Variants in ZBTB20 observed in about 807,000 individuals in gnomAD.
The protein encoded by ZBTB20 is zinc finger and BTB domain containing 20, also known as zinc finger and BTB domain-containing protein 20.
ZBTB20 carries 9 observed loss-of-function variants against 56.9 expected under a neutral mutation model. That is an observed-to-expected ratio of 0.16 (90% CI 0.10 to 0.28). The LOEUF (loss-of-function observed/expected upper bound fraction) is 0.28. Among genes scored for constraint, ZBTB20 ranks in the 10% least tolerant of loss-of-function variants. The pLI, the probability that ZBTB20 is intolerant of heterozygous loss-of-function variation, is 1.00. For missense variants in ZBTB20, 655 were observed against 1,003.0 expected, an observed-to-expected ratio of 0.65 and a Z score of 4.69; for synonymous variants, 417 against 420.7, an observed-to-expected ratio of 0.99 and a Z score of 0.11.
intron 5 of ZBTB20, among the ~76,000 whole-genome samples, chr3:114,785,275 G>T (rs768336448): frequency 1.3e-5 from 2 of 152,110 alleles, no homozygotes; most frequent in Non-Finnish European, 2.9e-5. Flanking sequence ...ATGCTATTTA[G>T]GTAATTATAT....
At chr3:114,444,192 T>C (rs898094882) in intron 7 of ZBTB20, among the ~76,000 whole-genome samples, 53 of 152,294 alleles carry the variant, frequency 3.5e-4, no homozygotes, top group African/African-American at 1.3e-3. Context: ...CAGGAATATT[T>C]CTACAAAGAA....
chr3:114,552,287 T>A lies in ZBTB20; in HGVS notation c.-294-51896A>T, dbSNP rs147555830. Among the ~76,000 whole-genome samples, 18 of 152,278 alleles carry A rather than the reference T, an allele frequency of 1.2e-4. No individual in the cohort carries two copies. In the East Asian group the frequency reaches 3.5e-3, roughly 29 times the overall value. ...CACTACCACATAGCTTAACTGTATTTCCTTATTATTTTGTCTCTAGCTGAA... is the reference window on the plus strand; with the variant it reads ...CACTACCACATAGCTTAACTGTATTACCTTATTATTTTGTCTCTAGCTGAA... On this transcript the variant is annotated intron_variant, in intron 6 of 11. Coordinates refer to ENST00000675478, the MANE Select transcript of ZBTB20 (RefSeq NM_001348800.3).
intron 7 of ZBTB20, among the ~76,000 whole-genome samples, chr3:114,462,470 A>G (rs1205483527): frequency 3.3e-5 from 5 of 152,222 alleles, no homozygotes; most frequent in Non-Finnish European, 7.3e-5. Flanking sequence ...TGTGGGATTC[A>G]GAACCACAAT....
At position 114,380,859 on chromosome 3, in the gene ZBTB20, A is replaced by C; in HGVS notation, c.-72T>G. ...ACTGGACTGGGAGTCAGGAGACTTG[A>C]GCTACCGTACTAGCTGTGCCTCTAA... On this transcript the variant is annotated 5_prime_UTR_variant, in exon 9 of 12. Transcript: ENST00000675478. 1 of 1,384,674 alleles carries C rather than the reference A, an allele frequency of 7.2e-7. No individual in the cohort carries two copies. The highest frequency in any genetic ancestry group is 9.5e-7 in the Non-Finnish European group (1 of 1,057,308). 85.8% of individuals were successfully genotyped at this position (1,384,674 alleles called of 1,614,324 possible). A position where few individuals can be genotyped will look rare whatever the true frequency, so the allele number is the denominator to read the frequency against.
intron 5 of ZBTB20, among the ~76,000 whole-genome samples, chr3:114,718,033 G>T (rs887270805): frequency 6.6e-6 from 1 of 152,080 alleles, no homozygotes; most frequent in South Asian, 2.1e-4. Flanking sequence ...AAAAACAGTG[G>T]ACTGTCAGAT....
intron 5 of ZBTB20, among the ~76,000 whole-genome samples, chr3:114,753,432 T>TATATATATATATATAC (rs1205435166): frequency 0.034 from 1,494 of 43,502 alleles, 443 homozygotes; most frequent in African/African-American, 0.1. Flanking sequence ...TATATATATA[T>TATATATATATATATAC]ACACACACAC....
At chr3:114,352,731 A>G (rs536130910) in intron 10 of ZBTB20, among the ~76,000 whole-genome samples, 1 of 152,372 alleles carries the variant, frequency 6.6e-6, no homozygotes, top group Non-Finnish European at 1.5e-5. Flanking sequence ...GTTCTGACCC[A>G]GGAGACTACA....
intron 5 of ZBTB20, among the ~76,000 whole-genome samples, chr3:114,784,181 CT>C (rs1196897296): frequency 4.0e-5 from 6 of 151,802 alleles, no homozygotes; most frequent in Middle Eastern, 3.4e-3. Context: ...AGGAATAGAA[CT>C]TTTTTTTTCT....
chr3:114,921,221 C>G (rs1262733889), intron 3 of ZBTB20, among the ~76,000 whole-genome samples: 1 of 152,132 alleles, frequency 6.6e-6, no homozygotes, highest in Non-Finnish European at 1.5e-5. Context: ...CTCCTGAGTT[C>G]AAGTGATTCT....
Position 114,327,564 on chromosome 3 carries a change from T to C in ZBTB20, c.*11441A>G, listed in dbSNP as rs1211652612. ...CAATGTAAATATTGCCTTTAAGAGA[T>C]GTTGTTTTCCTACTAGATGCATGCC... is the stretch of plus-strand genomic sequence containing the variant. On this transcript the variant is annotated 3_prime_UTR_variant, in exon 12 of 12. Coordinates refer to ENST00000675478, the MANE Select transcript of ZBTB20 (RefSeq NM_001348800.3). The C allele has an allele frequency of 6.6e-6, 1 of 152,100 alleles. No homozygotes were observed. The highest frequency in any genetic ancestry group is 1.5e-5 in the Non-Finnish European group (1 of 67,998). 9.4% of individuals were successfully genotyped at this position (152,100 alleles called of 1,614,324 possible).
chr3:114,368,848 C>A (rs1004593348), intron 10 of ZBTB20, among the ~76,000 whole-genome samples: 9 of 152,224 alleles, frequency 5.9e-5, no homozygotes, highest in African/African-American at 1.7e-4. Flanking sequence ...GATCTAGTCA[C>A]CCATCTGGGA....
At chr3:114,889,990 T>C (rs1291819109) in intron 4 of ZBTB20, among the ~76,000 whole-genome samples, 1 of 152,212 alleles carries the variant, frequency 6.6e-6, no homozygotes, top group East Asian at 1.9e-4. Context: ...TCATCTCTAA[T>C]TTACAGATGA....
At position 114,331,609 on chromosome 3, in the gene ZBTB20, A is replaced by G. The variant is rs1408764872; in HGVS notation, c.*7396T>C. The stretch of plus-strand genomic sequence containing the variant: ...ATGTGCACACATGTCAATAAATCCA[A>G]TAGAACTGTAGAGTTTGTTAAATGC... On this transcript the variant is annotated 3_prime_UTR_variant, in exon 12 of 12. Transcript: ENST00000675478. The G allele has an allele frequency of 1.3e-5, 2 of 152,150 alleles. No homozygotes were observed. Among genetic ancestry groups the G allele is most frequent in the African/African-American group, 4.8e-5 (2 of 41,424 alleles). 9.4% of individuals were successfully genotyped at this position (152,150 alleles called of 1,614,324 possible).
chr3:114,944,200 C>T (rs1167443344), intron 3 of ZBTB20, among the ~76,000 whole-genome samples: 1 of 145,168 alleles, frequency 6.9e-6, no homozygotes, highest in Admixed American at 6.7e-5. Flanking sequence ...CAGAAGAAGA[C>T]ATAAAAATGG....
chr3:114,712,656 A>G (rs2064176068), intron 5 of ZBTB20, among the ~76,000 whole-genome samples: 1 of 148,238 alleles, frequency 6.7e-6, no homozygotes, highest in South Asian at 2.1e-4. Context: ...TCCATCTCGA[A>G]AAAAAAAAAA....
chr3:114,540,660 C>T (rs553284600), intron 6 of ZBTB20, among the ~76,000 whole-genome samples: 7 of 152,210 alleles, frequency 4.6e-5, no homozygotes, highest in East Asian at 3.9e-4. Flanking sequence ...CACTTCTAAA[C>T]GCTAATCACT....
intron 10 of ZBTB20, among the ~76,000 whole-genome samples, chr3:114,372,409 AGGGACCT>A (rs1458427478): frequency 1.3e-5 from 2 of 152,214 alleles, no homozygotes; most frequent in Non-Finnish European, 2.9e-5. Context: ...AGACTTGCCA[AGGGACCT>A]GGGAGGATTT....
At chr3:115,060,339 T>C (rs569641017) in intron 2 of ZBTB20, among the ~76,000 whole-genome samples, 113 of 152,278 alleles carry the variant, frequency 7.4e-4, no homozygotes, top group Middle Eastern at 3.4e-3. Context: ...ATACAGTCAA[T>C]GAATGTGAGC....
chr3:115,121,790 T>C (rs1378677231), intron 1 of ZBTB20, among the ~76,000 whole-genome samples: 1 of 151,984 alleles, frequency 6.6e-6, no homozygotes, highest in African/African-American at 2.4e-5. Context: ...TAAGCACCTA[T>C]AGGAAGAAAA....
Sources: gnomAD v4.1 joint callset for allele counts (sites outside exome capture counted in the v4.1 genomes callset) on GRCh38, gnomAD v4.1.1 for gene constraint, MANE v1.5 for transcripts, NCBI Gene and HGNC (gene_info 2026-07-23, HGNC 2026-07-21) for gene names.